The following FAM186A variants were observed in gnomAD, a reference collection of about 807,000 sequenced individuals.
FAM186A encodes the protein family with sequence similarity 186 member A, also known as protein FAM186A.
FAM186A carries 163 observed loss-of-function variants against 216.8 expected under a neutral mutation model. That is an observed-to-expected ratio of 0.75 (90% CI 0.66 to 0.86). The LOEUF is 0.86. Among genes scored for constraint, FAM186A ranks in the 40% least tolerant of loss-of-function variants. The probability of loss-of-function intolerance (pLI) is 0.00; values close to 1 mark genes in which losing one functional copy is unlikely to be tolerated. For missense variants in FAM186A, 2,184 were observed against 2,746.2 expected (o/e 0.80, Z 4.58); for synonymous variants, 805 against 1,025.3 (o/e 0.79, Z 4.10).
At chr12:50,385,053 C>T (rs1368517160) in intron 1 of FAM186A, among the ~76,000 whole-genome samples, 3 of 151,830 alleles carry the variant, frequency 2.0e-5, no homozygotes, top group Admixed American at 1.3e-4. Flanking sequence ...GATCCACCCG[C>T]CTTGGCCTCC....
chr12:50,387,509 T>G (rs1229954237), intron 1 of FAM186A, among the ~76,000 whole-genome samples: 1 of 152,170 alleles, frequency 6.6e-6, no homozygotes, highest in African/African-American at 2.4e-5. Flanking sequence ...GAGGGAGATC[T>G]TCCCAGAGGA....
In FAM186A at chr12:50,331,825, T is replaced by TA. The variant is rs568054714; in HGVS notation, c.6697-5dup. Reference sequence around the variant, plus strand: ...TCAATTCATGTATCTTTTTGAGCTATAAAAAAAAATAGATCAGAAAAAGGA... The same window carrying TA: ...TCAATTCATGTATCTTTTTGAGCTATAAAAAAAAAATAGATCAGAAAAAGGA... On this transcript the variant is annotated splice_region_variant and splice_polypyrimidine_tract_variant and intron_variant, in intron 5 of 7. Transcript: ENST00000327337. 691 of 1,480,324 alleles carry TA rather than the reference T, an allele frequency of 4.7e-4. No homozygotes were observed. The highest frequency in any genetic ancestry group is 2.0e-3 in the South Asian group (146 of 74,772). The allele number at this position is 1,480,324 out of a possible 1,614,324, so 91.7% of individuals were successfully genotyped here.
At chr12:50,358,200 C>G (rs2136095533) in intron 3 of FAM186A, among the ~76,000 whole-genome samples, 1 of 152,206 alleles carries the variant, frequency 6.6e-6, no homozygotes, top group South Asian at 2.1e-4. Flanking sequence ...ACATTAAACA[C>G]TTTTAGGCTT....
chr12:50,374,358 A>C (rs1943177898), intron 1 of FAM186A, among the ~76,000 whole-genome samples: 1 of 152,142 alleles, frequency 6.6e-6, no homozygotes, highest in Non-Finnish European at 1.5e-5. Context: ...AGAAATTAAA[A>C]AAAAAAGATT....
intron 1 of FAM186A, chr12:50,365,616 C>T: frequency 3.4e-6 from 2 of 590,412 alleles, no homozygotes; most frequent in Non-Finnish European, 6.1e-6. Flanking sequence ...AGTTCTCTTC[C>T]CTTTTGCCGC....
At chr12:50,334,590 G>A (rs897564529) in intron 4 of FAM186A, among the ~76,000 whole-genome samples, 5 of 151,838 alleles carry the variant, frequency 3.3e-5, no homozygotes, top group Non-Finnish European at 7.4e-5. Flanking sequence ...CGATTCTCAT[G>A]CCTCAGCCTC....
intron 3 of FAM186A, among the ~76,000 whole-genome samples, chr12:50,359,792 A>G (rs918268082): frequency 6.6e-6 from 1 of 152,216 alleles, no homozygotes; most frequent in Admixed American, 6.5e-5. Flanking sequence ...AGAAAATACC[A>G]CAATACAATA....
chr12:50,352,859 T>A lies in FAM186A; in HGVS notation c.3973A>T (p.Ile1325Phe), dbSNP rs1353427967. 22 of 1,537,200 alleles carry A rather than the reference T, an allele frequency of 1.4e-5. No individual in the cohort carries two copies. The highest frequency in any genetic ancestry group is 1.7e-5 in the Non-Finnish European group (19 of 1,140,454). ...TGCGCCTGCTGAGGGGTGAGAGGGA[T>A]CCCCAGGGCCTGCGCCTGCTGAGGG... ...FTPQQAQALGIPLTPQQAQTQ... is the reference protein window; with the variant it reads ...FTPQQAQALGFPLTPQQAQTQ... The change falls in exon 4 of 8, where the codon ATC becomes TTC. Residue 1325 changes from isoleucine (I) to phenylalanine (F), a missense_variant. Transcript: ENST00000327337.
chr12:50,354,609 CTT>C lies in FAM186A; in HGVS notation c.2221_2222del (p.Lys741GlyfsTer29). ...KILRKYKDTK[K>X]EEQVGEKPIK... ...TAGGTTTCTCTCCAACTTGTTCTTC[CTT>C]TTTTGTATCTTTGTATTTTCTCAAG... On this transcript the variant is annotated frameshift_variant, in exon 4 of 8. Transcript: ENST00000327337. LOFTEE classifies it high-confidence loss of function. 2 of 1,547,988 alleles carry C rather than the reference CTT, an allele frequency of 1.3e-6. No individual in the cohort carries two copies. Among genetic ancestry groups the C allele is most frequent in the Non-Finnish European group, 1.7e-6 (2 of 1,146,172 alleles).
chr12:50,374,577 T>C (rs942317707), intron 1 of FAM186A, among the ~76,000 whole-genome samples: 6 of 152,080 alleles, frequency 3.9e-5, no homozygotes, highest in Non-Finnish European at 7.4e-5. Flanking sequence ...GAAAAAGAAG[T>C]TGACAAAATT....
At chr12:50,361,076 T>C (rs1338414548) in intron 2 of FAM186A, 150 bp from the exon 3 acceptor site, 7 of 543,472 alleles carry the variant, frequency 1.3e-5, no homozygotes, top group Admixed American at 3.8e-5. Flanking sequence ...CTTTTCTCTA[T>C]GAAGAAATTA....
chr12:50,345,000 C>T (rs1315077371), intron 4 of FAM186A, among the ~76,000 whole-genome samples: 1 of 151,990 alleles, frequency 6.6e-6, no homozygotes, highest in Non-Finnish European at 1.5e-5. Context: ...GCCTGTAATC[C>T]CAGCACTGTG....
intron 6 of FAM186A, 57 bp from the exon 7 acceptor site, chr12:50,330,815 A>G (rs970954022): frequency 7.1e-7 from 1 of 1,406,304 alleles, no homozygotes; most frequent in Non-Finnish European, 9.4e-7. Context: ...ATAGCCCATC[A>G]AAATATATCT....
At chr12:50,386,099 G>A (rs1261798979) in intron 1 of FAM186A, among the ~76,000 whole-genome samples, 2 of 152,122 alleles carry the variant, frequency 1.3e-5, no homozygotes, top group Non-Finnish European at 2.9e-5. Flanking sequence ...CTTGAAGATT[G>A]CTGAGAGGAG....
intron 1 of FAM186A, among the ~76,000 whole-genome samples, chr12:50,380,876 G>A (rs1047002650): frequency 5.3e-5 from 8 of 152,326 alleles, no homozygotes; most frequent in African/African-American, 1.9e-4. Flanking sequence ...CCAAGGGTGA[G>A]CCAGGCATGG....
chr12:50,340,157 G>T (rs1403128132), intron 4 of FAM186A, among the ~76,000 whole-genome samples: 1 of 151,986 alleles, frequency 6.6e-6, no homozygotes, highest in Non-Finnish European at 1.5e-5. Context: ...GACTTTTACT[G>T]GTTCTTTGAG....
rs1475439273 is a variant in FAM186A, at chr12:50,365,835, C to A, written c.193-2471G>T. 8 of 761,158 alleles carry A rather than the reference C, an allele frequency of 1.1e-5. No homozygotes were observed. The East Asian group carries it at 1.9e-4, about 19-fold the overall frequency. 47.2% of individuals were successfully genotyped at this position (761,158 alleles called of 1,614,324 possible). On this transcript the variant is annotated intron_variant, in intron 1 of 7. Transcript: ENST00000327337. Reference sequence around the variant, plus strand: ...TGAAGTTCAGGTTGTATGAGGACACCATAAAGGTCAGCAAATTGGCAAAGT... The same window carrying A: ...TGAAGTTCAGGTTGTATGAGGACACAATAAAGGTCAGCAAATTGGCAAAGT...
intron 1 of FAM186A, among the ~76,000 whole-genome samples, chr12:50,388,321 G>T (rs1160766700): frequency 6.6e-6 from 1 of 152,120 alleles, no homozygotes; most frequent in Non-Finnish European, 1.5e-5. Flanking sequence ...CAGGGTCAAG[G>T]TTTATCCTTT....
chr12:50,354,982 A>C lies in FAM186A; in HGVS notation c.1850T>G (p.Ile617Ser). ...TTCAGTTTTTTCTTCTTTGCTTGTG[A>C]TAGTTCCTGAAGAGATATGGTGTTT... Reference protein sequence around the residue: ...GKKHHISSGTITSKEEKTEEK... With the variant: ...GKKHHISSGTSTSKEEKTEEK... The change falls in exon 4 of 8, where the codon ATC (isoleucine) becomes AGC (serine). Residue 617 changes from isoleucine (I) to serine (S), a missense_variant. Ile to Ser is a moderately radical substitution (Grantham distance 142). Transcript: ENST00000327337. 2.6e-6 allele frequency: 4 copies of C among 1,550,208 alleles called. No homozygotes were observed. In the South Asian group the frequency reaches 3.6e-5, roughly 14 times the overall value.
Sources: gnomAD v4.1 joint callset for allele counts (sites outside exome capture counted in the v4.1 genomes callset) on GRCh38, gnomAD v4.1.1 for gene constraint, MANE v1.5 for transcripts, NCBI Gene and HGNC (gene_info 2026-07-23, HGNC 2026-07-21) for gene names.